TASOR: variants seen among roughly 807,000 people sequenced by gnomAD.
TASOR encodes transcription activation suppressor.
In TASOR, 53 loss-of-function variants were observed where a neutral mutation model predicts 178.6. The ratio of observed to expected loss-of-function variants is 0.30; its 90% CI spans 0.24 to 0.37. TASOR has a LOEUF of 0.37. TASOR is among the 10% of genes least tolerant of loss of function. The pLI is 1.00. For synonymous variants in TASOR, 713 were observed against 696.2 expected, an observed-to-expected ratio of 1.02 and a Z score of -0.38; for missense variants, 1,815 against 1,971.4, an observed-to-expected ratio of 0.92 and a Z score of 1.50.
Position 56,646,698 on chromosome 3 carries a change from C to G in TASOR, c.2039G>C (p.Arg680Thr). ...SSHSLDYDKD[R>T]VKELINLIQC... ...AATTAAATTAATCAATTCTTTGACT[C>G]TATCCTTATCATAATCCAAAGAATG... Residue 680 changes from arginine to threonine, a missense_variant, in exon 14 of 24, where the codon AGA becomes ACA. By Grantham distance (71) the Arg-to-Thr change is moderately conservative (BLOSUM62 -1). Coordinates refer to ENST00000683822, the MANE Select transcript of TASOR (RefSeq NM_001365635.2). The G allele has an allele frequency of 6.2e-7, 1 of 1,613,908 alleles. No individual in the cohort carries two copies.
rs1018935829 is a variant in TASOR, at chr3:56,621,337, A to AACAG, written c.*1696_*1699dup. The AACAG allele has an allele frequency of 4.7e-4, 188 of 395,884 alleles. 1 individual carries two copies. Among genetic ancestry groups the AACAG allele is most frequent in the Non-Finnish European group, 7.5e-4 (165 of 220,974 alleles). 24.5% of individuals were successfully genotyped at this position (395,884 alleles called of 1,614,324 possible). ...CATCCCTATTGATTTTTATGCTAAA[A>AACAG]ACAGAATCTTACAAATGTGATAGCT... On this transcript the variant is annotated 3_prime_UTR_variant, in exon 24 of 24. Transcript: ENST00000683822.
chr3:56,646,514 T>C lies in TASOR; in HGVS notation c.2215+8A>G, dbSNP rs1165452472. The C allele has an allele frequency of 6.3e-7, 1 of 1,582,048 alleles. No individual in the cohort carries two copies. Among genetic ancestry groups the C allele is most frequent in the Non-Finnish European group, 8.6e-7 (1 of 1,167,856 alleles). ...TTTGGCTGTTATAAGAGCAATCTGA[T>C]ATTTTACCTTCATACAGATGGCAAT... On this transcript the variant is annotated splice_region_variant and intron_variant, in intron 14 of 23. Transcript: ENST00000683822.
chr3:56,676,731 T>C (rs747920477), intron 1 of TASOR, among the ~76,000 whole-genome samples: 13 of 152,186 alleles, frequency 8.5e-5, no homozygotes, highest in Non-Finnish European at 1.5e-4. Flanking sequence ...CTACCATTAA[T>C]CTAATCGTAA....
In TASOR at chr3:56,666,347, C is replaced by T. The variant is rs775597112; in HGVS notation, c.935G>A (p.Arg312Gln). The T allele has an allele frequency of 3.2e-6, 5 of 1,540,446 alleles. No homozygotes were observed. Among genetic ancestry groups the T allele is most frequent in the Non-Finnish European group, 4.4e-6 (5 of 1,142,488 alleles). The change falls in exon 7 of 24, where the codon CGA becomes CAA. Residue 312 changes from arginine to glutamine, a missense_variant. By Grantham distance (43) the Arg-to-Gln change is conservative (BLOSUM62 1). Transcript: ENST00000683822. ...ATATGGACAAACGTGTCTTGGTCTT[C>T]GCCTTAGCTCATCAAAGCCATACTC... Reference protein sequence around the residue: ...FYEYGFDELRRRPRHVCPYAV... With the variant: ...FYEYGFDELRQRPRHVCPYAV...
chr3:56,623,398 G>A lies in TASOR; in HGVS notation c.4652C>T (p.Ser1551Leu), dbSNP rs2076730911. 2 of 1,613,582 alleles carry A rather than the reference G, an allele frequency of 1.2e-6. No homozygotes were observed. Among genetic ancestry groups the A allele is most frequent in the Non-Finnish European group, 8.5e-7 (1 of 1,179,916 alleles). The stretch of plus-strand genomic sequence containing the variant: ...TAAACTGTTTTGCACATCAGGAGAC[G>A]ATTGCAACTCAATTTGAGTATTCTT... ...QKKNTQIELQ[S>L]SPDVQNSLLE... The change falls in exon 24 of 24, where the codon TCG becomes TTG. Residue 1551 changes from serine to leucine, a missense_variant. Transcript: ENST00000683822.
intron 11 of TASOR, among the ~76,000 whole-genome samples, chr3:56,659,183 GA>G (rs2077540837): frequency 6.6e-6 from 1 of 152,148 alleles, no homozygotes; most frequent in Non-Finnish European, 1.5e-5. Flanking sequence ...TGCACGTTCT[GA>G]AACTCAAAGA....
At chr3:56,680,366 C>T (rs1317359523) in intron 1 of TASOR, among the ~76,000 whole-genome samples, 2 of 152,134 alleles carry the variant, frequency 1.3e-5, no homozygotes, top group African/African-American at 4.8e-5. Context: ...TATTATTACT[C>T]AATTACAATG....
chr3:56,657,145 T>C (rs1467889636), intron 11 of TASOR, among the ~76,000 whole-genome samples: 1 of 151,818 alleles, frequency 6.6e-6, no homozygotes, highest in Non-Finnish European at 1.5e-5. Context: ...CTGGCCTACA[T>C]GGTGAAACCC....
chr3:56,624,681 C>T, intron 22 of TASOR, 38 bp from the exon 23 acceptor site: 1 of 1,584,774 alleles, frequency 6.3e-7, no homozygotes, highest in African/African-American at 1.4e-5. Flanking sequence ...TGAAACACTT[C>T]AAAATATAGA....
At chr3:56,679,127 G>A (rs1241592667) in intron 1 of TASOR, among the ~76,000 whole-genome samples, 3 of 152,202 alleles carry the variant, frequency 2.0e-5, no homozygotes, top group East Asian at 1.9e-4. Context: ...AGAGGCTGAG[G>A]ATCTGAAATT....
chr3:56,650,766 C>A (rs1246636429), intron 11 of TASOR, among the ~76,000 whole-genome samples: 3 of 152,154 alleles, frequency 2.0e-5, no homozygotes, highest in African/African-American at 7.2e-5. Context: ...AGTATTGGCC[C>A]TGCAAGATAT....
At chr3:56,644,752 T>C (rs1451930179) in intron 14 of TASOR, among the ~76,000 whole-genome samples, 2 of 152,054 alleles carry the variant, frequency 1.3e-5, no homozygotes, top group Non-Finnish European at 2.9e-5. Context: ...AGTAACAACA[T>C]TGCAAAGAGA....
Position 56,656,463 on chromosome 3 carries a change from C to A in TASOR, c.1368+4268G>T, listed in dbSNP as rs1397958360. ...AAAATTAGCCAGGTATGGTGTTGCA[C>A]GCCTGTAGTCCCAGCTACTCAGGAG... On this transcript the variant is annotated intron_variant, in intron 11 of 23. Transcript: ENST00000683822. 3.3e-5 allele frequency among the ~76,000 whole-genome samples: 5 copies of A among 151,950 alleles called. No individual in the cohort carries two copies. In the East Asian group the frequency reaches 9.7e-4, roughly 29 times the overall value.
intron 4 of TASOR, 64 bp downstream of exon 4, chr3:56,670,009 G>T: frequency 8.9e-7 from 1 of 1,124,774 alleles, no homozygotes; most frequent in Non-Finnish European, 1.3e-6. Flanking sequence ...GAAATTACGA[G>T]ACAATGTATT....
In TASOR at chr3:56,682,941, G is replaced by T; in HGVS notation, c.66C>A (p.Gly22=). The T allele has an allele frequency of 6.5e-7, 1 of 1,549,586 alleles. No individual in the cohort carries two copies. Among genetic ancestry groups the T allele is most frequent in the South Asian group, 1.2e-5 (1 of 84,034 alleles). Residue 22 remains glycine (G), a synonymous_variant, in exon 1 of 24, where the codon GGC becomes GGA. Coordinates refer to ENST00000683822, the MANE Select transcript of TASOR (RefSeq NM_001365635.2). ...PTDASWESGG[G]GDDEMKQALP... is the part of the protein sequence containing the mutation. Reference sequence around the variant, plus strand: ...GCGCCTGCTTCATCTCGTCGTCTCCGCCGCCGCCACTTTCCCAACTCGCAT... The same window carrying T: ...GCGCCTGCTTCATCTCGTCGTCTCCTCCGCCGCCACTTTCCCAACTCGCAT...
At chr3:56,631,418 TGAG>T (rs2076908512) in intron 18 of TASOR, among the ~76,000 whole-genome samples, 1 of 152,136 alleles carries the variant, frequency 6.6e-6, no homozygotes, top group Admixed American at 6.5e-5. Context: ...GGCATTCCCT[TGAG>T]GAATTAAAAT....
In TASOR at chr3:56,621,529, C is replaced by T. The variant is rs772816378; in HGVS notation, c.*1508G>A. 5 of 1,579,446 alleles carry T rather than the reference C, an allele frequency of 3.2e-6. No homozygotes were observed. Among genetic ancestry groups the T allele is most frequent in the African/African-American group, 1.4e-5 (1 of 73,606 alleles). On this transcript the variant is annotated 3_prime_UTR_variant, in exon 24 of 24. Coordinates refer to ENST00000683822, the MANE Select transcript of TASOR (RefSeq NM_001365635.2). The stretch of plus-strand genomic sequence containing the variant: ...TAACAAACATATATCAATGTGATTT[C>T]AGGGCCTTCTCCAGAAGCAAAAGGA...
In TASOR at chr3:56,647,080, C is replaced by T; in HGVS notation, c.1657G>A (p.Val553Ile). 1 of 1,606,500 alleles carries T rather than the reference C, an allele frequency of 6.2e-7. No individual in the cohort carries two copies. The highest frequency in any genetic ancestry group is 1.1e-5 in the South Asian group (1 of 88,642). Reference protein sequence around the residue: ...KNISAINFHSVVEKYVSEFFK... With the variant: ...KNISAINFHSIVEKYVSEFFK... ...AATTCACTTACATACTTTTCAACAA[C>T]AGAATGAAAATTTATGGCGCTTATA... Residue 553 changes from valine (V) to isoleucine (I), a missense_variant, in exon 14 of 24, where the codon GTT becomes ATT. By Grantham distance (29) the Val-to-Ile change is conservative (BLOSUM62 3). Transcript: ENST00000683822.
intron 11 of TASOR, among the ~76,000 whole-genome samples, chr3:56,653,906 C>T (rs981223949): frequency 6.6e-6 from 1 of 152,278 alleles, no homozygotes; most frequent in Admixed American, 6.5e-5. Context: ...TAAAGCACTA[C>T]TTACAACTGA....
Sources: allele counts gnomAD v4.1 joint callset (sites outside exome capture counted in the v4.1 genomes callset), GRCh38; gene constraint gnomAD v4.1.1; transcripts MANE v1.5; gene names NCBI Gene and HGNC (gene_info 2026-07-23, HGNC 2026-07-21).